The following ARMCX4 variants were observed in gnomAD, a reference collection of about 807,000 sequenced individuals.
ARMCX4 encodes the protein armadillo repeat containing X-linked 4.
ARMCX4 carries 3 observed loss-of-function variants against 34.7 expected under a neutral mutation model. The observed-to-expected ratio is 0.09, with a 90% CI of 0.04 to 0.22. The LOEUF is 0.22. Ranked by LOEUF, ARMCX4 falls within the 10% of genes least tolerant of loss-of-function variation. The pLI, the probability that ARMCX4 is intolerant of heterozygous loss-of-function variation, is 1.00. For missense variants in ARMCX4, 1,448 were observed against 1,720.8 expected (o/e 0.84, Z 2.81); for synonymous variants, 513 against 632.8 (o/e 0.81, Z 2.84).
chrX:101,447,618 C>A (rs2147577579), downstream of ARMCX4: 1 of 111,651 alleles, frequency 9.0e-6, no homozygotes, highest in East Asian at 2.8e-4. Flanking sequence ...CTCGGCTGCC[C>A]ACCCAGCATT....
chrX:101,494,715 T>C lies in ARMCX4; in HGVS notation c.6126T>C (p.Asp2042=). 4.3e-6 allele frequency: 5 copies of C among 1,155,384 alleles called. No homozygotes were observed. Among genetic ancestry groups the C allele is most frequent in the Non-Finnish European group, 5.7e-6 (5 of 872,508 alleles). The change falls in exon 6 of 6, where the codon GAT becomes GAC. Residue 2042 remains aspartate, a synonymous_variant. Transcript: ENST00000423738. ...ACGAAGCTAATATGGATCCACGAGA[T>C]CTTGAAAAACTCATTTGCATGATTG... ...CKHEANMDPR[D]LEKLICMIEM...
chrX:101,485,586 C>T (rs1161163854), intron 1 of ARMCX4, 56 bp downstream of exon 1: 1 of 175,546 alleles, frequency 5.7e-6, no homozygotes, highest in Non-Finnish European at 9.0e-6. Context: ...TCACTGACCC[C>T]GGCAGCGGTT....
At chrX:101,481,154 G>C (rs1465804534), upstream of ARMCX4, among the ~76,000 whole-genome samples, 1 of 111,723 alleles carries the variant, frequency 9.0e-6, no homozygotes, top group East Asian at 2.8e-4. Context: ...ACAATCTTTT[G>C]TTGACTCTTA....
intron 11 of ARMCX4, chrX:101,531,569 T>C (rs1418265419): frequency 8.9e-6 from 1 of 112,170 alleles, no homozygotes; most frequent in Non-Finnish European, 1.9e-5. Context: ...TAGTAGTAAA[T>C]TCAAGCTAGT....
chrX:101,476,723 T>C (rs1212072090), intron 4 of ARMCX4, among the ~76,000 whole-genome samples: 1 of 111,617 alleles, frequency 9.0e-6, no homozygotes, highest in African/African-American at 3.3e-5. Flanking sequence ...GAGGGTCATT[T>C]ATACACTCAC....
chrX:101,479,474 C>A (rs188605966), intron 4 of ARMCX4, among the ~76,000 whole-genome samples: 2 of 107,069 alleles, frequency 1.9e-5, no homozygotes, highest in African/African-American at 6.9e-5. Flanking sequence ...TTAAGTTGAT[C>A]TATAAATTCC....
intron 2 of ARMCX4, among the ~76,000 whole-genome samples, chrX:101,433,041 C>CACATGTATACATACACGTGTATATAT (rs1930310855): frequency 1.5e-5 from 1 of 67,347 alleles, no homozygotes; most frequent in Non-Finnish European, 3.1e-5. Flanking sequence ...CGTGTATATA[C>CACATGTATACATACACGTGTATATAT]ACACATATGT....
At chrX:101,502,784 A>G (rs1328059826) in intron 7 of ARMCX4, among the ~76,000 whole-genome samples, 1 of 105,657 alleles carries the variant, frequency 9.5e-6, no homozygotes, top group Non-Finnish European at 2.0e-5. Flanking sequence ...TTGCCTTGGA[A>G]TTTTTTTTCT....
chrX:101,466,752 GT>G (rs1352823325), intron 4 of ARMCX4, among the ~76,000 whole-genome samples: 2 of 111,930 alleles, frequency 1.8e-5, no homozygotes, highest in Non-Finnish European at 3.8e-5. Context: ...AGGGCACTTG[GT>G]GGGGTGATGA....
chrX:101,527,658 G>A (rs1267416790), intron 11 of ARMCX4, among the ~76,000 whole-genome samples: 8 of 111,349 alleles, frequency 7.2e-5, no homozygotes, highest in Non-Finnish European at 1.1e-4. Context: ...TATCACCACC[G>A]ATCCCACAGA....
intron 4 of ARMCX4, among the ~76,000 whole-genome samples, chrX:101,460,408 G>A (rs1556001063): frequency 8.9e-6 from 1 of 112,226 alleles, no homozygotes; most frequent in Non-Finnish European, 1.9e-5. Context: ...CTTGATCTTA[G>A]CTATTCAAAT....
In ARMCX4 at chrX:101,471,029, T is replaced by C. The variant is rs782532092; in HGVS notation, c.-472-14994T>C. 2.9e-4 allele frequency among the ~76,000 whole-genome samples: 33 copies of C among 112,258 alleles called. No individual in the cohort carries two copies. In the Admixed American group the frequency reaches 3.0e-3, roughly 10 times the overall value. Reference sequence around the variant, plus strand: ...TTCAGCCATTCTAGTGGAAGTGTGGTGGAATGTCATTGTGTTTTCTATTTG... The same window carrying C: ...TTCAGCCATTCTAGTGGAAGTGTGGCGGAATGTCATTGTGTTTTCTATTTG... On this transcript the variant is annotated intron_variant and NMD_transcript_variant, in intron 4 of 15. Transcript: ENST00000433011.
At chrX:101,497,400 C>CT (rs782154526), downstream of ARMCX4, among the ~76,000 whole-genome samples, 477 of 105,395 alleles carry the variant, frequency 4.5e-3, no homozygotes, top group Middle Eastern at 0.025. Flanking sequence ...CCACACCTGG[C>CT]TTTTTTTTTT....
intron 2 of ARMCX4, among the ~76,000 whole-genome samples, chrX:101,435,447 T>C (rs1930656326): frequency 9.0e-6 from 1 of 111,665 alleles, no homozygotes; most frequent in Non-Finnish European, 1.9e-5. Context: ...TTTTGAGAAG[T>C]GTCTGTTCAT....
At chrX:101,508,465 TAGAG>T (rs781915898) in intron 8 of ARMCX4, among the ~76,000 whole-genome samples, 12 of 111,311 alleles carry the variant, frequency 1.1e-4, no homozygotes, top group Non-Finnish European at 2.1e-4. Context: ...GGCGTGGAGA[TAGAG>T]AGAGATCTTT....
chrX:101,494,104 GCTGGGGCTGGGCCTGGGACTGAGT>G lies in ARMCX4; in HGVS notation c.5527_5550del (p.Pro1843_Gly1850del). ...GGCTGGGGCTGAGGCTGGGGCTGGG[GCTGGGGCTGGGCCTGGGACTGAGT>G]CTGGGGCTGGGATTTGGTCCTGGGA... On this transcript the variant is annotated inframe_deletion, in exon 6 of 6. Transcript: ENST00000423738. 6.1e-6 allele frequency: 6 copies of G among 986,062 alleles called. No homozygotes were observed. The highest frequency in any genetic ancestry group is 8.0e-6 in the Non-Finnish European group (6 of 750,015). 81.3% of individuals were successfully genotyped at this position (986,062 alleles called of 1,213,427 possible).
intron 4 of ARMCX4, among the ~76,000 whole-genome samples, chrX:101,478,413 C>G (rs1556004815): frequency 8.9e-6 from 1 of 111,886 alleles, no homozygotes; most frequent in African/African-American, 3.2e-5. Context: ...TTCACCAGAT[C>G]TCTCCTAATA....
intron 2 of ARMCX4, among the ~76,000 whole-genome samples, chrX:101,438,281 C>T (rs1301713465): frequency 9.0e-6 from 1 of 111,646 alleles, no homozygotes; most frequent in East Asian, 2.8e-4. Flanking sequence ...CTCCCATTAT[C>T]AGGCTGGGTG....
chrX:101,458,546 G>T (rs1556000730), intron 4 of ARMCX4, among the ~76,000 whole-genome samples: 4 of 106,521 alleles, frequency 3.8e-5, no homozygotes, highest in Non-Finnish European at 7.7e-5. Context: ...GAGTGCAATG[G>T]CATGATCTCG....
Sources: allele counts gnomAD v4.1 joint callset (sites outside exome capture counted in the v4.1 genomes callset), GRCh38; gene constraint gnomAD v4.1.1; transcripts MANE v1.5; gene names NCBI Gene and HGNC (gene_info 2026-07-23, HGNC 2026-07-21).